TMC8: variants seen among roughly 807,000 people sequenced by gnomAD.
TMC8 encodes the protein transmembrane channel-like protein 8.
Under a neutral mutation model 76.0 loss-of-function variants are expected in TMC8, and 71 were observed. The ratio of observed to expected loss-of-function variants is 0.93; its 90% CI spans 0.77 to 1.14. The LOEUF (loss-of-function observed/expected upper bound fraction) is 1.14, where lower values mean the gene tolerates loss of function less well. Ranked by LOEUF, TMC8 falls within the 50% of genes most tolerant of loss-of-function variation. The pLI, the probability that TMC8 is intolerant of heterozygous loss-of-function variation, is 0.00. For synonymous variants in TMC8, 433 were observed against 433.8 expected (o/e 1.00, Z 0.02); for missense variants, 924 against 947.9 (o/e 0.97, Z 0.33).
chr17:78,142,852 A>G lies in TMC8; in HGVS notation c.*1740A>G, dbSNP rs944297927. The G allele has an allele frequency of 3.9e-5, 6 of 152,372 alleles. No individual in the cohort carries two copies. Among genetic ancestry groups the G allele is most frequent in the Non-Finnish European group, 8.8e-5 (6 of 68,066 alleles). 9.4% of individuals were successfully genotyped at this position (152,372 alleles called of 1,614,324 possible). On this transcript the variant is annotated 3_prime_UTR_variant, in exon 16 of 16. Transcript: ENST00000318430. The stretch of plus-strand genomic sequence containing the variant: ...ATCACCAAGCGCTGTGAAGAAGGCA[A>G]GCTTTGAGACCTTGAAGGAATCATC...
At position 78,131,623 on chromosome 17, in the gene TMC8, C is replaced by A; in HGVS notation, c.35C>A (p.Ala12Asp). 1.3e-6 allele frequency: 2 copies of A among 1,551,438 alleles called. No individual in the cohort carries two copies. The highest frequency in any genetic ancestry group is 1.7e-6 in the Non-Finnish European group (2 of 1,148,926). ...LLPRSVSSER[A>D]PGVPEPEELW... ...CCGCGGTCGGTGTCATCGGAGCGGG[C>A]CCCTGGGGTGCCGGAGCCGGAGGAG... is the stretch of plus-strand genomic sequence containing the variant. Residue 12 changes from alanine to aspartate, a missense_variant, in exon 2 of 16, where the codon GCC becomes GAC. Physicochemically the swap from Ala to Asp is moderately radical, Grantham distance 126. Coordinates refer to ENST00000318430, the MANE Select transcript of TMC8 (RefSeq NM_152468.5).
intron 14 of TMC8, 130 bp downstream of exon 14, chr17:78,138,862 T>C (rs752600377): frequency 9.1e-6 from 14 of 1,544,034 alleles, no homozygotes; most frequent in Non-Finnish European, 6.1e-6. Context: ...CAGGGGCCTC[T>C]GAAAAGCAGG....
At chr17:78,136,561 T>C (rs2075236467) in intron 9 of TMC8, 1 of 170,058 alleles carries the variant, frequency 5.9e-6, no homozygotes, top group South Asian at 1.2e-4. Flanking sequence ...GTGCAGTACA[T>C]ATGTGTGGCA....
At chr17:78,134,126 G>T in intron 7 of TMC8, 126 bp downstream of exon 7, 2 of 1,426,758 alleles carry the variant, frequency 1.4e-6, no homozygotes, top group South Asian at 1.2e-5. Context: ...AGCGTGTGTG[G>T]GAGGGAGCCT....
At chr17:78,132,939 A>G in intron 5 of TMC8, 69 bp downstream of exon 5, 3 of 1,546,378 alleles carry the variant, frequency 1.9e-6, no homozygotes, top group Non-Finnish European at 2.7e-6. Flanking sequence ...CAGGGGACAC[A>G]AGTCTAAGAG....
At position 78,139,234 on chromosome 17, in the gene TMC8, G is replaced by T; in HGVS notation, c.1896G>T (p.Leu632=). The change falls in exon 15 of 16, where the codon CTG becomes CTT. Residue 632 remains leucine, a synonymous_variant. Coordinates refer to ENST00000318430, the MANE Select transcript of TMC8 (RefSeq NM_152468.5). ...CCATCCACAGGCTCCGGAAGCAGCT[G>T]GTGTGGGTGAGTGTCCTCGGGGCTG... ...ARAIHRLRKQ[L]VWQVQEKWHL... 6.2e-7 allele frequency: 1 copy of T among 1,613,508 alleles called. No homozygotes were observed. The highest frequency in any genetic ancestry group is 8.5e-7 in the Non-Finnish European group (1 of 1,180,022).
At position 78,132,010 on chromosome 17, in the gene TMC8, G is replaced by C; in HGVS notation, c.278G>C (p.Gly93Ala). 6.5e-7 allele frequency: 1 copy of C among 1,532,814 alleles called. No individual in the cohort carries two copies. Among genetic ancestry groups the C allele is most frequent in the Non-Finnish European group, 8.7e-7 (1 of 1,145,544 alleles). The allele number at this position is 1,532,814 out of a possible 1,614,324, so 95.0% of individuals were successfully genotyped here. The change falls in exon 3 of 16, where the codon GGG becomes GCG. Residue 93 changes from glycine to alanine, a missense_variant. Transcript: ENST00000318430. ...RLARGLGLWEGALYEIGGLFG... is the reference protein window; with the variant it reads ...RLARGLGLWEAALYEIGGLFG... ...GCCCGGGGCCTTGGGCTCTGGGAGGGGGCGCTCTACGAGATCGGGGGTAGG... is the reference window on the plus strand; with the variant it reads ...GCCCGGGGCCTTGGGCTCTGGGAGGCGGCGCTCTACGAGATCGGGGGTAGG...
chr17:78,131,239 CAGACTTTCTGTGCCCTT>C, intron 1 of TMC8, 25 bp from the exon 2 acceptor site: 1 of 423,498 alleles, frequency 2.4e-6, no homozygotes, highest in Non-Finnish European at 4.4e-6. Flanking sequence ...TGTGCCGGTC[CAGACTTTCTGTGCCCTT>C]TGGATCTTTC....
intron 15 of TMC8, among the ~76,000 whole-genome samples, chr17:78,140,382 A>AG (rs969377245): frequency 6.7e-6 from 1 of 150,224 alleles, no homozygotes; most frequent in African/African-American, 2.4e-5. Flanking sequence ...AATGGAGCTG[A>AG]GGGAGGAACA....
In TMC8 at chr17:78,138,492, G is replaced by A. The variant is rs2145715307; in HGVS notation, c.1664+13G>A. ...ATGTGGTCAGCAGGTGAGGGGAAGA[G>A]GAGGGGGGCACCCAGAGGCTGGCAG... On this transcript the variant is annotated intron_variant, in intron 13 of 15. Transcript: ENST00000318430. The A allele has an allele frequency of 6.2e-7, 1 of 1,613,544 alleles. No homozygotes were observed. The highest frequency in any genetic ancestry group is 1.3e-5 in the African/African-American group (1 of 75,038).
At chr17:78,133,193 G>C (rs2075086257) in intron 5 of TMC8, among the ~76,000 whole-genome samples, 1 of 152,196 alleles carries the variant, frequency 6.6e-6, no homozygotes, top group South Asian at 2.1e-4. Context: ...CCATCGAGTG[G>C]TCACCAATGG....
chr17:78,132,088 T>C (rs1044443568), intron 3 of TMC8, 58 bp downstream of exon 3: 2 of 1,533,888 alleles, frequency 1.3e-6, no homozygotes, highest in Non-Finnish European at 1.7e-6. Context: ...ACTGCCCAGA[T>C]CGGAAAAAGG....
At chr17:78,134,081 G>A in intron 7 of TMC8, 81 bp downstream of exon 7, 1 of 1,601,470 alleles carries the variant, frequency 6.2e-7, no homozygotes, top group East Asian at 2.2e-5. Context: ...TGTTCCAGGT[G>A]TGTGCGAGCA....
chr17:78,131,741 G>T lies in TMC8; in HGVS notation c.149+4G>T, dbSNP rs200226247. On this transcript the variant is annotated splice_donor_region_variant and intron_variant, in intron 2 of 15. Coordinates refer to ENST00000318430, the MANE Select transcript of TMC8 (RefSeq NM_152468.5). ...TGATGGACAAGCGCCTCATCTGGTG[G>T]GTGCCACGCGGGCGCCAGACGGTGC... 333 of 1,579,310 alleles carry T rather than the reference G, an allele frequency of 2.1e-4. No homozygotes were observed. Among genetic ancestry groups the T allele is most frequent in the Non-Finnish European group, 2.7e-4 (319 of 1,164,904 alleles).
At chr17:78,137,068 C>A in intron 9 of TMC8, 167 bp from the exon 10 acceptor site, 1 of 1,040,818 alleles carries the variant, frequency 9.6e-7, no homozygotes, top group Non-Finnish European at 1.4e-6. Context: ...GACTCGGACT[C>A]TGAGAACGCA....
chr17:78,137,191 C>T lies in TMC8; in HGVS notation c.1128-44C>T, dbSNP rs775167878. 3.1e-6 allele frequency: 5 copies of T among 1,611,440 alleles called. No homozygotes were observed. The South Asian group carries it at 5.5e-5, about 18-fold the overall frequency. On this transcript the variant is annotated intron_variant, in intron 9 of 15. Coordinates refer to ENST00000318430, the MANE Select transcript of TMC8 (RefSeq NM_152468.5). ...CTATAGCCTGGGTAGAGCCCGGTGCCCATGTGCCTGGGCCCCTCCACCTGA... is the reference window on the plus strand; with the variant it reads ...CTATAGCCTGGGTAGAGCCCGGTGCTCATGTGCCTGGGCCCCTCCACCTGA...
chr17:78,133,111 G>C (rs1369969161), intron 5 of TMC8, among the ~76,000 whole-genome samples: 2 of 148,624 alleles, frequency 1.3e-5, no homozygotes, highest in Admixed American at 6.6e-5. Context: ...TGGTGTAGGC[G>C]GTGCCAGGGA....
chr17:78,139,167 T>A lies in TMC8; in HGVS notation c.1829T>A (p.Val610Asp). The change falls in exon 15 of 16, where the codon GTC becomes GAC. Residue 610 changes from valine (V) to aspartate (D), a missense_variant. Physicochemically the swap from Val to Asp is radical, Grantham distance 152 (BLOSUM62 -3). Coordinates refer to ENST00000318430, the MANE Select transcript of TMC8 (RefSeq NM_152468.5). ...SFPLLIMLSL[V>D]LTVCVSQTQA... ...GAATCCCCTTCCCACCCAAGCCTTG[T>A]CCTGACGGTGTGCGTCTCCCAGACC... 2 of 1,613,662 alleles carry A rather than the reference T, an allele frequency of 1.2e-6. No individual in the cohort carries two copies. Among genetic ancestry groups the A allele is most frequent in the East Asian group, 4.5e-5 (2 of 44,878 alleles).
rs2075161050 is a variant in TMC8 at position 78,134,401 on chromosome 17, T to C, written c.824T>C (p.Leu275Pro). Residue 275 changes from leucine to proline, a missense_variant, in exon 8 of 16, where the codon CTG becomes CCG. By Grantham distance (98) the Leu-to-Pro change is moderately conservative. Transcript: ENST00000318430. The part of the protein sequence containing the change: ...HEISNEFKVE[L>P]EEGRRFQLMQ... ...CCCCACCCTTCCGGGCAGGTGGAGCTGGAGGAGGGCCGTCGCTTCCAGCTG... is the reference window on the plus strand; with the variant it reads ...CCCCACCCTTCCGGGCAGGTGGAGCCGGAGGAGGGCCGTCGCTTCCAGCTG... 6.2e-7 allele frequency: 1 copy of C among 1,611,254 alleles called. No individual in the cohort carries two copies. Among genetic ancestry groups the C allele is most frequent in the Non-Finnish European group, 8.5e-7 (1 of 1,179,994 alleles).
Sources: allele counts gnomAD v4.1 joint callset (sites outside exome capture counted in the v4.1 genomes callset), GRCh38; gene constraint gnomAD v4.1.1; transcripts MANE v1.5; gene names NCBI Gene and HGNC (gene_info 2026-07-23, HGNC 2026-07-21).